RHOU: variants seen among roughly 807,000 people sequenced by gnomAD.
The protein encoded by RHOU is rho-related GTP-binding protein RhoU.
RHOU carries 8 observed loss-of-function variants against 12.6 expected under a neutral mutation model. That is an observed-to-expected ratio of 0.64 (90% CI 0.37 to 1.15). The LOEUF (loss-of-function observed/expected upper bound fraction) is 1.15, where lower values mean the gene tolerates loss of function less well. Among genes scored for constraint, RHOU ranks in the 50% most tolerant of loss-of-function variants. RHOU has a pLI of 0.01. For synonymous variants in RHOU, 161 were observed against 147.4 expected (o/e 1.09, Z -0.67); for missense variants, 258 against 347.0 (o/e 0.74, Z 2.04).
At chr1:228,703,627 T>G in the RHOU span, among the ~76,000 whole-genome samples, 1 of 152,210 alleles carries the variant, frequency 6.6e-6, no homozygotes, top group African/African-American at 2.4e-5. Flanking sequence ...TTAGCTACTT[T>G]TTCTTAGCTA....
the RHOU span, among the ~76,000 whole-genome samples, chr1:228,717,936 G>A: frequency 6.6e-6 from 1 of 152,298 alleles, no homozygotes; most frequent in East Asian, 1.9e-4. Context: ...GACCAGCAGG[G>A]TAGTGTCATG....
chr1:228,709,738 C>T, the RHOU span, among the ~76,000 whole-genome samples: 2 of 151,048 alleles, frequency 1.3e-5, no homozygotes, highest in South Asian at 2.1e-4. Context: ...CCTAACATCA[C>T]AATTAAAAGA....
chr1:228,679,773 G>T, the RHOU span, among the ~76,000 whole-genome samples: 7 of 152,108 alleles, frequency 4.6e-5, no homozygotes, highest in South Asian at 1.0e-3. Flanking sequence ...ATGGTAAGGG[G>T]TGCATCATCC....
the RHOU span, among the ~76,000 whole-genome samples, chr1:228,720,955 C>G: frequency 5.3e-5 from 8 of 152,204 alleles, no homozygotes; most frequent in African/African-American, 1.9e-4. Context: ...CAGGTTTGCA[C>G]AGCAGTTGCC....
At chr1:228,727,963 G>C in the RHOU span, among the ~76,000 whole-genome samples, 1 of 150,064 alleles carries the variant, frequency 6.7e-6, no homozygotes, top group Non-Finnish European at 1.5e-5. Flanking sequence ...GTTTGGGGAG[G>C]GAAGTTGGAA....
the RHOU span, among the ~76,000 whole-genome samples, chr1:228,685,380 A>G: frequency 2.1e-4 from 32 of 152,344 alleles, no homozygotes; most frequent in Non-Finnish European, 7.4e-5. Flanking sequence ...CTCTGACAGT[A>G]GGAATTTGGG....
In RHOU at chr1:228,737,551, A is replaced by G. The variant is rs1662634457; in HGVS notation, c.263-122A>G. Reference sequence around the variant, plus strand: ...GTTTTTGGCTAGTCTTTAATTCATTAGAGGACCTAAAATAGGAGCAAAGGG... The same window carrying G: ...GTTTTTGGCTAGTCTTTAATTCATTGGAGGACCTAAAATAGGAGCAAAGGG... On this transcript the variant is annotated intron_variant, in intron 1 of 2. Coordinates refer to ENST00000366691, the MANE Select transcript of RHOU (RefSeq NM_021205.6). This position sits in a 1 kb window ranked among gnomAD's most constrained non-coding sequence, Gnocchi z 4.1. 1 of 949,420 alleles carries G rather than the reference A, an allele frequency of 1.1e-6. No individual in the cohort carries two copies. Among genetic ancestry groups the G allele is most frequent in the Non-Finnish European group, 1.7e-6 (1 of 598,288 alleles). 58.8% of individuals were successfully genotyped at this position (949,420 alleles called of 1,614,324 possible). A position where few individuals can be genotyped will look rare whatever the true frequency, so the allele number is the denominator to read the frequency against.
the RHOU span, among the ~76,000 whole-genome samples, chr1:228,673,358 A>C: frequency 6.6e-6 from 1 of 152,158 alleles, no homozygotes; most frequent in Admixed American, 6.5e-5. Flanking sequence ...ATGTTTTTGC[A>C]GTTGTAAGTT....
chr1:228,658,286 CAAAAA>C, the RHOU span, among the ~76,000 whole-genome samples: 2 of 93,978 alleles, frequency 2.1e-5, no homozygotes, highest in Non-Finnish European at 2.1e-5. Context: ...GACCCTGTCT[CAAAAA>C]AAAAAAAAAA....
the RHOU span, among the ~76,000 whole-genome samples, chr1:228,707,132 A>ATATATATATATATATATATG: frequency 2.5e-5 from 3 of 120,370 alleles, no homozygotes; most frequent in South Asian, 2.3e-4. Flanking sequence ...ATATACATAT[A>ATATATATATATATATATATG]TATATATATA....
At chr1:228,687,298 C>CTT in the RHOU span, 11 of 558,422 alleles carry the variant, frequency 2.0e-5, no homozygotes, top group African/African-American at 3.8e-5. Flanking sequence ...TTATCCCTTT[C>CTT]TTTTTTTTTT....
chr1:228,708,012 C>G, the RHOU span, among the ~76,000 whole-genome samples: 1 of 152,044 alleles, frequency 6.6e-6, no homozygotes. Flanking sequence ...ATGAAGAATG[C>G]AGAAGCCTCA....
chr1:228,726,062 G>GTTTC, the RHOU span, among the ~76,000 whole-genome samples: 1 of 152,058 alleles, frequency 6.6e-6, no homozygotes. Flanking sequence ...ATTATCATGG[G>GTTTC]TTTCTTCTCT....
At chr1:228,700,502 G>A in the RHOU span, among the ~76,000 whole-genome samples, 198 of 152,170 alleles carry the variant, frequency 1.3e-3, no homozygotes, top group African/African-American at 4.7e-3. Flanking sequence ...GAACTTCCTT[G>A]AAGGCACAGT....
the RHOU span, among the ~76,000 whole-genome samples, chr1:228,693,405 A>G: frequency 2.9e-3 from 446 of 152,316 alleles, 4 homozygotes; most frequent in African/African-American, 0.01. Context: ...ATATTAACAC[A>G]CATTCAAGGA....
rs535330170 is a variant in RHOU at position 228,737,575 on chromosome 1, G to A, written c.263-98G>A. On this transcript the variant is annotated intron_variant, in intron 1 of 2. Coordinates refer to ENST00000366691, the MANE Select transcript of RHOU (RefSeq NM_021205.6). The surrounding 1 kb of genome is among the most constrained non-coding windows in gnomAD (Gnocchi z 4.1). ...TAGAGGACCTAAAATAGGAGCAAAG[G>A]GGTTTGGAGTGAGAATGATAGTGAA... 8.5e-7 allele frequency: 1 copy of A among 1,169,744 alleles called. No homozygotes were observed. The highest frequency in any genetic ancestry group is 1.5e-5 in the African/African-American group (1 of 66,352). The allele number at this position is 1,169,744 out of a possible 1,614,324, so 72.5% of individuals were successfully genotyped here. A position where few individuals can be genotyped will look rare whatever the true frequency, so the allele number is the denominator to read the frequency against.
chr1:228,730,734 A>C (rs1453265390), upstream of RHOU, among the ~76,000 whole-genome samples: 1 of 152,218 alleles, frequency 6.6e-6, no homozygotes, highest in East Asian at 1.9e-4. Context: ...TAATGTGTCC[A>C]AGGCAAAGGG....
chr1:228,717,207 G>A, the RHOU span, among the ~76,000 whole-genome samples: 1 of 152,164 alleles, frequency 6.6e-6, no homozygotes, highest in Non-Finnish European at 1.5e-5. Flanking sequence ...CTTTCAAACT[G>A]TCCAAAATGC....
intron 1 of RHOU, among the ~76,000 whole-genome samples, chr1:228,736,521 G>C (rs1276477723): frequency 6.6e-6 from 1 of 152,112 alleles, no homozygotes; most frequent in East Asian, 1.9e-4. Flanking sequence ...GAAAACACTT[G>C]ATTTAGTGAA....
Sources: allele counts gnomAD v4.1 joint callset (sites outside exome capture counted in the v4.1 genomes callset), GRCh38; gene constraint gnomAD v4.1.1; non-coding constraint Gnocchi (gnomAD v3.1); transcripts MANE v1.5; gene names NCBI Gene and HGNC (gene_info 2026-07-23, HGNC 2026-07-21).